Variants in SLC36A1 observed in about 807,000 individuals in gnomAD.
SLC36A1 encodes solute carrier family 36 member 1.
In SLC36A1, 30 loss-of-function variants were observed where a neutral mutation model predicts 47.5. The observed-to-expected ratio is 0.63, with a 90% CI of 0.47 to 0.86. The LOEUF (loss-of-function observed/expected upper bound fraction) is 0.86, where lower values mean the gene tolerates loss of function less well. Among genes scored for constraint, SLC36A1 ranks in the 40% least tolerant of loss-of-function variants. The pLI, the probability that SLC36A1 is intolerant of heterozygous loss-of-function variation, is 0.00. For missense variants in SLC36A1, 517 were observed against 606.0 expected, an observed-to-expected ratio of 0.85 and a Z score of 1.54; for synonymous variants, 255 against 249.7, an observed-to-expected ratio of 1.02 and a Z score of -0.20.
At chr5:151,457,111 G>A (rs1158104431) in intron 1 of SLC36A1, among the ~76,000 whole-genome samples, 1 of 151,996 alleles carries the variant, frequency 6.6e-6, no homozygotes, top group Non-Finnish European at 1.5e-5. Context: ...TTGTCACTTG[G>A]TTCTTGAAGA....
chr5:151,461,233 G>A (rs981590170), intron 2 of SLC36A1, among the ~76,000 whole-genome samples: 1 of 148,786 alleles, frequency 6.7e-6, no homozygotes, highest in Non-Finnish European at 1.5e-5. Flanking sequence ...CAAGTGATCC[G>A]CCTGCCTCGG....
At chr5:151,378,517 G>A in the SLC36A1 span, 1 of 219,088 alleles carries the variant, frequency 4.6e-6, no homozygotes, top group Non-Finnish European at 9.9e-6. Flanking sequence ...AACATAATAG[G>A]GGCAGAAGTT....
At chr5:151,476,833 T>A (rs1022093252) in intron 9 of SLC36A1, 77 bp downstream of exon 9, 4 of 1,536,318 alleles carry the variant, frequency 2.6e-6, no homozygotes, top group Non-Finnish European at 3.6e-6. Context: ...GGATTCTCCC[T>A]CTTACTTATC....
At chr5:151,443,133 A>T (rs1472081809), upstream of SLC36A1, among the ~76,000 whole-genome samples, 1 of 152,074 alleles carries the variant, frequency 6.6e-6, no homozygotes, top group Non-Finnish European at 1.5e-5. Flanking sequence ...TGGTGATTTC[A>T]TTTCCTTCGA....
chr5:151,519,845 T>A, the SLC36A1 span, among the ~76,000 whole-genome samples: 1 of 152,192 alleles, frequency 6.6e-6, no homozygotes, highest in Admixed American at 6.6e-5. Flanking sequence ...CACCTGCTGC[T>A]TCAGAATTAA....
chr5:151,451,025 G>T (rs1248870446), intron 1 of SLC36A1: 1 of 152,180 alleles, frequency 6.6e-6, no homozygotes, highest in Non-Finnish European at 1.5e-5. Context: ...AGGCCTTACT[G>T]TGATGAGCAC....
At chr5:151,393,595 C>T in the SLC36A1 span, among the ~76,000 whole-genome samples, 2 of 152,276 alleles carry the variant, frequency 1.3e-5, no homozygotes, top group African/African-American at 2.4e-5. Context: ...TAGGGCAGGC[C>T]TGGTGATGAC....
the SLC36A1 span, chr5:151,521,329 C>G: frequency 6.2e-7 from 1 of 1,613,804 alleles, no homozygotes; most frequent in Non-Finnish European, 8.5e-7. Context: ...GATGCTGAGC[C>G]TGGCGGTGCT....
intron 2 of SLC36A1, among the ~76,000 whole-genome samples, chr5:151,460,958 C>T (rs1755416911): frequency 6.6e-6 from 1 of 151,188 alleles, no homozygotes. Context: ...CAAATAGGAA[C>T]CCCAAACACT....
chr5:151,505,998 G>A, the SLC36A1 span: 9 of 1,572,552 alleles, frequency 5.7e-6, no homozygotes, highest in African/African-American at 2.7e-5. Context: ...GCGGTGAGCC[G>A]AGGGCGGCAG....
At chr5:151,506,657 TC>T in the SLC36A1 span, among the ~76,000 whole-genome samples, 2 of 152,230 alleles carry the variant, frequency 1.3e-5, no homozygotes, top group African/African-American at 4.8e-5. Flanking sequence ...AAAATACCTA[TC>T]ATAACTGCTA....
the SLC36A1 span, among the ~76,000 whole-genome samples, chr5:151,369,829 C>G: frequency 6.6e-6 from 1 of 151,510 alleles, no homozygotes; most frequent in Non-Finnish European, 1.5e-5. Context: ...GAGTCTCCCT[C>G]TGTCACCCAG....
At chr5:151,473,223 T>TAGATAGAA (rs373570099) in intron 7 of SLC36A1, among the ~76,000 whole-genome samples, 6,642 of 133,998 alleles carry the variant, frequency 0.05, 458 homozygotes, top group Non-Finnish European at 0.05. Flanking sequence ...GATAGATAGA[T>TAGATAGAA]AGAATATATA....
At position 151,467,654 on chromosome 5, in the gene SLC36A1, C is replaced by T. The variant is rs1022690277; in HGVS notation, c.505-53C>T. ...GAACCTCTTCCAGCAGAGGATCCAC[C>T]GGCCTCTGTTGTTTGAGAGGTGTTT... On this transcript the variant is annotated intron_variant, in intron 6 of 10. Coordinates refer to ENST00000243389, the MANE Select transcript of SLC36A1 (RefSeq NM_078483.4). 32 of 1,446,776 alleles carry T rather than the reference C, an allele frequency of 2.2e-5. No homozygotes were observed. The East Asian group carries it at 2.3e-4, about 10-fold the overall frequency. 89.6% of individuals were successfully genotyped at this position (1,446,776 alleles called of 1,614,324 possible).
At chr5:151,532,027 T>C in the SLC36A1 span, 1 of 1,585,358 alleles carries the variant, frequency 6.3e-7, no homozygotes, top group Non-Finnish European at 8.6e-7. Flanking sequence ...TGGACCTGCC[T>C]GCAGCAAACC....
upstream of SLC36A1, among the ~76,000 whole-genome samples, chr5:151,446,619 T>C (rs564813785): frequency 7.0e-6 from 1 of 142,368 alleles, no homozygotes; most frequent in Non-Finnish European, 1.6e-5. Flanking sequence ...CTTCATATTA[T>C]TATGGTCTGA....
the SLC36A1 span, chr5:151,549,167 A>G: frequency 2.5e-5 from 20 of 807,836 alleles, no homozygotes; most frequent in Non-Finnish European, 3.7e-5. Context: ...GGAATGCTCT[A>G]GAATTATTGT....
the SLC36A1 span, among the ~76,000 whole-genome samples, chr5:151,499,687 C>T: frequency 6.6e-6 from 1 of 152,176 alleles, no homozygotes; most frequent in Non-Finnish European, 1.5e-5. Flanking sequence ...GCCTGGAAAA[C>T]ATATGTGTCC....
the SLC36A1 span, chr5:151,549,600 A>C: frequency 1.1e-6 from 1 of 950,622 alleles, no homozygotes; most frequent in Non-Finnish European, 1.6e-6. Context: ...CCAATTTAAA[A>C]TATGCCCAAT....
Sources: gnomAD v4.1 joint callset for allele counts (sites outside exome capture counted in the v4.1 genomes callset) on GRCh38, gnomAD v4.1.1 for gene constraint, MANE v1.5 for transcripts, NCBI Gene and HGNC (gene_info 2026-07-23, HGNC 2026-07-21) for gene names.